The following CXCL13 variants were observed in gnomAD, a reference collection of about 807,000 sequenced individuals.
The protein encoded by CXCL13 is C-X-C motif chemokine 13.
CXCL13 carries 7 observed loss-of-function variants against 12.2 expected under a neutral mutation model. The ratio of observed to expected loss-of-function variants is 0.57; its 90% CI spans 0.33 to 1.07. The LOEUF (loss-of-function observed/expected upper bound fraction) is 1.07, where lower values mean the gene tolerates loss of function less well. Among genes scored for constraint, CXCL13 ranks in the 50% least tolerant of loss-of-function variants. CXCL13 has a pLI of 0.04. For synonymous variants in CXCL13, 47 were observed against 42.4 expected (o/e 1.11, Z -0.42); for missense variants, 113 against 127.4 (o/e 0.89, Z 0.55).
At chr4:77,518,512 C>T (rs1724488893) in intron 1 of CXCL13, among the ~76,000 whole-genome samples, 1 of 152,090 alleles carries the variant, frequency 6.6e-6, no homozygotes, top group Non-Finnish European at 1.5e-5. Context: ...TCTTTTTTCT[C>T]TAAACTTCCC....
intron 1 of CXCL13, among the ~76,000 whole-genome samples, chr4:77,533,935 C>A (rs1283654994): frequency 6.6e-6 from 1 of 152,174 alleles, no homozygotes; most frequent in African/African-American, 2.4e-5. Context: ...CATCTGTCAC[C>A]CCTTTCTTTG....
chr4:77,602,816 T>C (rs61185792), upstream of CXCL13, among the ~76,000 whole-genome samples: 5,423 of 152,332 alleles, frequency 0.036, 301 homozygotes, highest in African/African-American at 0.12. Context: ...AAATATTTTT[T>C]CTTCTTGTCA....
At chr4:77,579,191 A>C (rs376010286) in intron 1 of CXCL13, among the ~76,000 whole-genome samples, 9 of 152,240 alleles carry the variant, frequency 5.9e-5, no homozygotes, top group East Asian at 1.9e-4. Context: ...CCACTGTCTC[A>C]CTGAAGGCAC....
intron 1 of CXCL13, among the ~76,000 whole-genome samples, chr4:77,531,921 T>G (rs1367678922): frequency 6.6e-6 from 1 of 152,208 alleles, no homozygotes; most frequent in East Asian, 1.9e-4. Context: ...CATCCCTTTA[T>G]TTTGAGCCTA....
chr4:77,564,622 A>G (rs1182010922), intron 1 of CXCL13, among the ~76,000 whole-genome samples: 1 of 152,252 alleles, frequency 6.6e-6, no homozygotes, highest in Non-Finnish European at 1.5e-5. Flanking sequence ...TATTGTTCCT[A>G]TACCACCAGT....
At position 77,515,997 on chromosome 4, in the gene CXCL13, A is replaced by T. The variant is rs956354288; in HGVS notation, c.-43+4209A>T. Among the ~76,000 whole-genome samples the T allele has an allele frequency of 5.3e-5, 8 of 152,264 alleles. 1 individual carries two copies. Among genetic ancestry groups the T allele is most frequent in the Admixed American group, 3.3e-4 (5 of 15,292 alleles). ...GATATGTCCCTTGAGTACCTAATTT[A>T]TTGAGAGTTTTTAGCGTGAAGTGCT... is the stretch of plus-strand genomic sequence containing the variant. On this transcript the variant is annotated intron_variant, in intron 1 of 4. Transcript: ENST00000286758.
At chr4:77,592,140 G>T (rs1382973561) in intron 1 of CXCL13, among the ~76,000 whole-genome samples, 1 of 152,144 alleles carries the variant, frequency 6.6e-6, no homozygotes, top group East Asian at 1.9e-4. Flanking sequence ...GCACCCCCAT[G>T]TTTATTGTAG....
At chr4:77,583,136 G>T (rs1207546781) in intron 1 of CXCL13, among the ~76,000 whole-genome samples, 4 of 152,202 alleles carry the variant, frequency 2.6e-5, no homozygotes, top group Non-Finnish European at 4.4e-5. Flanking sequence ...AGCCAAGGAA[G>T]AACCACAGTT....
chr4:77,524,799 C>T (rs1724720556), intron 1 of CXCL13, among the ~76,000 whole-genome samples: 1 of 152,200 alleles, frequency 6.6e-6, no homozygotes, highest in Admixed American at 6.5e-5. Flanking sequence ...CTGTCTTCTG[C>T]ATTGATAGTG....
At chr4:77,585,621 C>T (rs1726437569) in intron 1 of CXCL13, among the ~76,000 whole-genome samples, 1 of 152,222 alleles carries the variant, frequency 6.6e-6, no homozygotes, top group Non-Finnish European at 1.5e-5. Flanking sequence ...CAGAGAGACG[C>T]TGTGTCACCC....
At chr4:77,538,655 A>T (rs900742330) in intron 1 of CXCL13, among the ~76,000 whole-genome samples, 1 of 152,162 alleles carries the variant, frequency 6.6e-6, no homozygotes, top group Non-Finnish European at 1.5e-5. Flanking sequence ...TGGTAGACCC[A>T]CTGGTAGAAA....
At position 77,608,804 on chromosome 4, in the gene CXCL13, A is replaced by G. The variant is rs186731950; in HGVS notation, c.197+969A>G. Among the ~76,000 whole-genome samples, 3 of 152,348 alleles carry G rather than the reference A, an allele frequency of 2.0e-5. No individual in the cohort carries two copies. In the East Asian group the frequency reaches 5.8e-4, roughly 29 times the overall value. Reference sequence around the variant, plus strand: ...ATTGGCATCAAACTCAGAGATGTGAAGTCTAGCCATGACCTACTTGGGAGT... The same window carrying G: ...ATTGGCATCAAACTCAGAGATGTGAGGTCTAGCCATGACCTACTTGGGAGT... On this transcript the variant is annotated intron_variant, in intron 2 of 3. Transcript: ENST00000682537.
intron 1 of CXCL13, among the ~76,000 whole-genome samples, chr4:77,523,579 C>G (rs1057489823): frequency 6.6e-6 from 1 of 152,180 alleles, no homozygotes; most frequent in Non-Finnish European, 1.5e-5. Context: ...TTAATGTCTT[C>G]TCTACACTGT....
At chr4:77,523,443 A>T (rs1724669041) in intron 1 of CXCL13, among the ~76,000 whole-genome samples, 1 of 151,878 alleles carries the variant, frequency 6.6e-6, no homozygotes, top group Non-Finnish European at 1.5e-5. Flanking sequence ...TTGTCTTCTC[A>T]CTTTATTTCA....
At position 77,605,893 on chromosome 4, in the gene CXCL13, C is replaced by T. The variant is rs763725491; in HGVS notation, c.28C>T (p.Leu10Phe). 1.2e-6 allele frequency: 2 copies of T among 1,607,366 alleles called. No individual in the cohort carries two copies. The highest frequency in any genetic ancestry group is 2.2e-5 in the South Asian group (2 of 89,412). Residue 10 changes from leucine to phenylalanine, a missense_variant, in exon 1 of 4, where the codon CTC (leucine) becomes TTC (phenylalanine). Coordinates refer to ENST00000682537, the MANE Select transcript of CXCL13 (RefSeq NM_001371558.1). The stretch of plus-strand genomic sequence containing the variant: ...GAAGTTCATCTCGACATCTCTGCTT[C>T]TCATGCTGCTGGTCAGCAGCCTCTC... MKFISTSLL[L>F]MLLVSSLSPV... is the part of the protein sequence containing the mutation.
intron 1 of CXCL13, among the ~76,000 whole-genome samples, chr4:77,535,267 C>T (rs921358076): frequency 6.6e-6 from 1 of 152,178 alleles, no homozygotes; most frequent in Admixed American, 6.5e-5. Context: ...ATACTGTAAG[C>T]CCTGGAGGTG....
chr4:77,594,332 A>G (rs1186310263), intron 1 of CXCL13, among the ~76,000 whole-genome samples: 1 of 152,162 alleles, frequency 6.6e-6, no homozygotes, highest in African/African-American at 2.4e-5. Flanking sequence ...CCTCAAGCCC[A>G]GGGCAAAGGT....
At chr4:77,609,181 G>A (rs1727087720) in intron 2 of CXCL13, among the ~76,000 whole-genome samples, 1 of 152,144 alleles carries the variant, frequency 6.6e-6, no homozygotes, top group Non-Finnish European at 1.5e-5. Flanking sequence ...TCCATGTCCT[G>A]TGACCTCTCT....
intron 1 of CXCL13, among the ~76,000 whole-genome samples, chr4:77,541,067 C>A (rs1323221295): frequency 6.6e-6 from 1 of 152,068 alleles, no homozygotes; most frequent in Non-Finnish European, 1.5e-5. Flanking sequence ...TGAGAAGTGT[C>A]TGTTCGTGTC....
Sources: gnomAD v4.1 joint callset for allele counts (sites outside exome capture counted in the v4.1 genomes callset) on GRCh38, gnomAD v4.1.1 for gene constraint, MANE v1.5 for transcripts, NCBI Gene and HGNC (gene_info 2026-07-23, HGNC 2026-07-21) for gene names.